FNBP1: variants seen among roughly 807,000 people sequenced by gnomAD.
The protein encoded by FNBP1 is formin binding protein 1.
Under a neutral mutation model 90.6 loss-of-function variants are expected in FNBP1, and 26 were observed. The ratio of observed to expected loss-of-function variants is 0.29; its 90% CI spans 0.21 to 0.40. The LOEUF is 0.40. Ranked by LOEUF, FNBP1 falls within the 10% of genes least tolerant of loss-of-function variation. The probability of loss-of-function intolerance (pLI) is 1.00; values close to 1 mark genes in which losing one functional copy is unlikely to be tolerated. For synonymous variants in FNBP1, 260 were observed against 265.2 expected (o/e 0.98, Z 0.19); for missense variants, 635 against 768.0 (o/e 0.83, Z 2.05).
chr9:130,019,053 T>C (rs537254798), intron 1 of FNBP1, among the ~76,000 whole-genome samples: 21 of 152,074 alleles, frequency 1.4e-4, no homozygotes, highest in Admixed American at 6.6e-4. Flanking sequence ...GGTGAAACCC[T>C]GTCTCTACCA....
At chr9:130,025,241 T>C (rs1258795681) in intron 1 of FNBP1, among the ~76,000 whole-genome samples, 3 of 152,072 alleles carry the variant, frequency 2.0e-5, no homozygotes, top group African/African-American at 4.8e-5. Flanking sequence ...ATTCAATCTA[T>C]GTACCGAGTG....
chr9:129,895,474 T>C, intron 16 of FNBP1: 1 of 1,148,288 alleles, frequency 8.7e-7, no homozygotes, highest in Non-Finnish European at 1.1e-6. Context: ...ACCTGCATGA[T>C]GCGTGCCGGC....
intron 9 of FNBP1, 76 bp downstream of exon 9, chr9:129,924,884 T>C: frequency 8.0e-7 from 1 of 1,255,556 alleles, no homozygotes; most frequent in Non-Finnish European, 1.1e-6. Context: ...TTTAGGATCT[T>C]AGTTTTTCTA....
chr9:129,889,248 C>A lies in FNBP1; in HGVS notation c.*1291G>T, dbSNP rs922055136. 1 of 194,686 alleles carries A rather than the reference C, an allele frequency of 5.1e-6. No homozygotes were observed. The highest frequency in any genetic ancestry group is 2.3e-5 in the African/African-American group (1 of 43,016). 12.1% of individuals were successfully genotyped at this position (194,686 alleles called of 1,614,324 possible). A position where few individuals can be genotyped will look rare whatever the true frequency, so the allele number is the denominator to read the frequency against. On this transcript the variant is annotated 3_prime_UTR_variant, in exon 17 of 17. Coordinates refer to ENST00000446176, the MANE Select transcript of FNBP1 (RefSeq NM_015033.3). Reference sequence around the variant, plus strand: ...GGCGGCGGGATCCCTCAAAGGACCACGAGAGGCACGGGGTCTTTGGTGATG... The same window carrying A: ...GGCGGCGGGATCCCTCAAAGGACCAAGAGAGGCACGGGGTCTTTGGTGATG...
intron 6 of FNBP1, among the ~76,000 whole-genome samples, chr9:129,934,992 G>A (rs2043219066): frequency 6.6e-6 from 1 of 152,020 alleles, no homozygotes; most frequent in Admixed American, 6.6e-5. Context: ...CAATATTTTA[G>A]AAACTGAACT....
chr9:130,021,712 T>C (rs916577170), intron 1 of FNBP1, among the ~76,000 whole-genome samples: 4 of 152,220 alleles, frequency 2.6e-5, no homozygotes, highest in Non-Finnish European at 4.4e-5. Flanking sequence ...CTTTCATTAC[T>C]CAGGAGAAAA....
At chr9:129,948,476 T>TGCCTCC (rs1169081445) in intron 6 of FNBP1, among the ~76,000 whole-genome samples, 4 of 146,848 alleles carry the variant, frequency 2.7e-5, no homozygotes, top group African/African-American at 1.0e-4. Context: ...GAGACTCTTC[T>TGCCTCC]GCCTCCGCCT....
intron 15 of FNBP1, among the ~76,000 whole-genome samples, chr9:129,898,433 C>T (rs935064463): frequency 3.3e-5 from 5 of 152,092 alleles, no homozygotes; most frequent in Non-Finnish European, 7.4e-5. Context: ...AGGAAGCGAC[C>T]TCATTCTCCC....
upstream of FNBP1, among the ~76,000 whole-genome samples, chr9:130,045,783 A>C (rs1343554816): frequency 6.6e-6 from 1 of 152,218 alleles, no homozygotes; most frequent in Non-Finnish European, 1.5e-5. Flanking sequence ...ATAAAATGAA[A>C]TAAGCCAGCA....
intron 15 of FNBP1, among the ~76,000 whole-genome samples, chr9:129,896,542 C>A (rs929102462): frequency 3.3e-5 from 5 of 152,180 alleles, no homozygotes; most frequent in African/African-American, 1.2e-4. Context: ...CACCACCACA[C>A]CCGGCTAACC....
chr9:129,914,067 G>A (rs1208444873), intron 11 of FNBP1, among the ~76,000 whole-genome samples: 1 of 151,618 alleles, frequency 6.6e-6, no homozygotes, highest in South Asian at 2.1e-4. Context: ...TGCTGCTCAG[G>A]CTGGTCTAGA....
chr9:129,927,336 T>C lies in FNBP1; in HGVS notation c.648A>G (p.Ile216Met), dbSNP rs139863276. 1.2e-6 allele frequency: 2 copies of C among 1,610,366 alleles called. No homozygotes were observed. Among genetic ancestry groups the C allele is most frequent in the Middle Eastern group, 1.7e-4 (1 of 6,052 alleles). The change falls in exon 8 of 17, where the codon ATA becomes ATG. Residue 216 changes from isoleucine to methionine, a missense_variant. Coordinates refer to ENST00000446176, the MANE Select transcript of FNBP1 (RefSeq NM_015033.3). ...HTHIPNIFQK[I>M]QEMEERRIVR... ...CAATCCTCCTTTCCTCCATCTCTTGTATTTTCTGCAACATTAGATTTTGTA... is the reference window on the plus strand; with the variant it reads ...CAATCCTCCTTTCCTCCATCTCTTGCATTTTCTGCAACATTAGATTTTGTA...
intron 6 of FNBP1, among the ~76,000 whole-genome samples, chr9:129,934,621 G>T (rs1471098095): frequency 6.6e-6 from 1 of 151,652 alleles, no homozygotes; most frequent in African/African-American, 2.4e-5. Flanking sequence ...GCCCAGGCTG[G>T]AGTGCAGTGG....
At chr9:130,013,006 A>C (rs1354688041) in intron 1 of FNBP1, among the ~76,000 whole-genome samples, 1 of 152,172 alleles carries the variant, frequency 6.6e-6, no homozygotes, top group Non-Finnish European at 1.5e-5. Context: ...AAAACTAAAA[A>C]ACTAAAAAAT....
intron 4 of FNBP1, among the ~76,000 whole-genome samples, chr9:129,959,369 T>C (rs1019163120): frequency 3.3e-5 from 5 of 151,886 alleles, no homozygotes; most frequent in Admixed American, 2.0e-4. Context: ...AGTGGGTGGA[T>C]CATGAGGTCA....
At chr9:129,987,034 G>A (rs890743748) in intron 2 of FNBP1, among the ~76,000 whole-genome samples, 3 of 152,006 alleles carry the variant, frequency 2.0e-5, no homozygotes, top group African/African-American at 7.3e-5. Context: ...AGACTGCTAA[G>A]ATGAACTAAA....
intron 1 of FNBP1, among the ~76,000 whole-genome samples, chr9:130,037,309 G>A (rs1343618861): frequency 2.7e-5 from 4 of 149,824 alleles, no homozygotes; most frequent in Non-Finnish European, 5.9e-5. Context: ...AGCTGAGATC[G>A]CGCCACTGCA....
At chr9:129,893,268 G>A (rs1199694606) in intron 16 of FNBP1, among the ~76,000 whole-genome samples, 1 of 151,846 alleles carries the variant, frequency 6.6e-6, no homozygotes, top group East Asian at 1.9e-4. Context: ...GCCTGGGGTC[G>A]GGATGGGTGG....
In FNBP1 at chr9:129,888,206, T is replaced by C. The variant is rs1405304314; in HGVS notation, c.*2333A>G. ...ACTGCAGCTTATATCTTTTCCACTA[T>C]GTTGCAAGAAATGAATCTATCCTGA... On this transcript the variant is annotated 3_prime_UTR_variant, in exon 17 of 17. Coordinates refer to ENST00000446176, the MANE Select transcript of FNBP1 (RefSeq NM_015033.3). The C allele has an allele frequency of 4.3e-6, 1 of 232,722 alleles. No individual in the cohort carries two copies. Among genetic ancestry groups the C allele is most frequent in the Non-Finnish European group, 8.5e-6 (1 of 117,784 alleles). The allele number at this position is 232,722 out of a possible 1,614,324, so 14.4% of individuals were successfully genotyped here. A position where few individuals can be genotyped will look rare whatever the true frequency, so the allele number is the denominator to read the frequency against.
Sources: allele counts gnomAD v4.1 joint callset (sites outside exome capture counted in the v4.1 genomes callset), GRCh38; gene constraint gnomAD v4.1.1; transcripts MANE v1.5; gene names NCBI Gene and HGNC (gene_info 2026-07-23, HGNC 2026-07-21).